Variants in UNC5B observed in about 807,000 individuals in gnomAD.
UNC5B encodes unc-5 netrin receptor B, also known as netrin receptor UNC5B.
A neutral mutation model predicts 103.7 loss-of-function variants in UNC5B; 56 were observed. The observed-to-expected ratio is 0.54, with a 90% CI of 0.44 to 0.67. UNC5B has a LOEUF of 0.67. UNC5B is among the 30% of genes least tolerant of loss of function. UNC5B has a pLI of 0.00. For missense variants in UNC5B, 1,194 were observed against 1,284.5 expected (o/e 0.93, Z 1.08); for synonymous variants, 577 against 542.0 (o/e 1.06, Z -0.90).
chr10:71,216,946 G>C (rs749949051), intron 1 of UNC5B, among the ~76,000 whole-genome samples: 1 of 152,246 alleles, frequency 6.6e-6, no homozygotes, highest in Non-Finnish European at 1.5e-5. Context: ...AGTTGGGGTT[G>C]GGTGGAAAGG....
intron 13 of UNC5B, among the ~76,000 whole-genome samples, chr10:71,294,769 G>A (rs958675073): frequency 2.6e-5 from 4 of 151,908 alleles, no homozygotes; most frequent in Admixed American, 2.6e-4. Flanking sequence ...CAGGAGGGAG[G>A]GAAGGGGAGG....
At position 71,212,659 on chromosome 10, in the gene UNC5B, C is replaced by T. The variant is rs977672159; in HGVS notation, c.-327C>T. 4.6e-6 allele frequency: 1 copy of T among 215,620 alleles called. No individual in the cohort carries two copies. Among genetic ancestry groups the T allele is most frequent in the Non-Finnish European group, 9.1e-6 (1 of 109,802 alleles). The allele number at this position is 215,620 out of a possible 1,614,324, so 13.4% of individuals were successfully genotyped here. Reference sequence around the variant, plus strand: ...GGCGCGCACTGGGGCTGGGACTGCGCGGCGCCGCCGCTGCGAGCGCCACTG... The same window carrying T: ...GGCGCGCACTGGGGCTGGGACTGCGTGGCGCCGCCGCTGCGAGCGCCACTG... On this transcript the variant is annotated 5_prime_UTR_variant, in exon 1 of 17. Transcript: ENST00000335350.
At position 71,279,771 on chromosome 10, in the gene UNC5B, C is replaced by T. The variant is rs372663617; in HGVS notation, c.80-50C>T. The T allele has an allele frequency of 1.2e-4, 188 of 1,570,354 alleles. No homozygotes were observed. The South Asian group carries it at 2.1e-3, about 18-fold the overall frequency. On this transcript the variant is annotated intron_variant, in intron 1 of 16. Coordinates refer to ENST00000335350, the MANE Select transcript of UNC5B (RefSeq NM_170744.5). ...CCCCCGGGGTGGGCGAGGGGTGCCACAGGGCCCTCCCAGCACACAGCCTCA... is the reference window on the plus strand; with the variant it reads ...CCCCCGGGGTGGGCGAGGGGTGCCATAGGGCCCTCCCAGCACACAGCCTCA...
intron 1 of UNC5B, among the ~76,000 whole-genome samples, chr10:71,224,808 T>G (rs944414627): frequency 6.6e-6 from 1 of 152,226 alleles, no homozygotes; most frequent in Non-Finnish European, 1.5e-5. Flanking sequence ...TTTGGATTGC[T>G]GGATCCCAAA....
rs192654659 is a variant in UNC5B at position 71,296,754 on chromosome 10, C to A, written c.2490+12C>A. Reference sequence around the variant, plus strand: ...CCACTCTGGCAGAGGTGAGGGAAGTCGGGGCCACATATTCCAGCTGCACAC... The same window carrying A: ...CCACTCTGGCAGAGGTGAGGGAAGTAGGGGCCACATATTCCAGCTGCACAC... On this transcript the variant is annotated intron_variant, in intron 15 of 16. Coordinates refer to ENST00000335350, the MANE Select transcript of UNC5B (RefSeq NM_170744.5). 1 of 1,589,802 alleles carries A rather than the reference C, an allele frequency of 6.3e-7. No individual in the cohort carries two copies. Among genetic ancestry groups the A allele is most frequent in the African/African-American group, 1.4e-5 (1 of 69,830 alleles).
intron 1 of UNC5B, among the ~76,000 whole-genome samples, chr10:71,260,085 G>T (rs1262469811): frequency 6.6e-6 from 1 of 152,218 alleles, no homozygotes; most frequent in Admixed American, 6.5e-5. Context: ...AGCATCAGGA[G>T]CAGAGGCACT....
At chr10:71,259,170 G>T (rs1195155302) in intron 1 of UNC5B, among the ~76,000 whole-genome samples, 1 of 152,166 alleles carries the variant, frequency 6.6e-6, no homozygotes, top group Non-Finnish European at 1.5e-5. Flanking sequence ...CAATAGGATT[G>T]CCTGAGGTCA....
At chr10:71,252,830 C>T (rs1195166399) in intron 1 of UNC5B, among the ~76,000 whole-genome samples, 1 of 152,092 alleles carries the variant, frequency 6.6e-6, no homozygotes, top group African/African-American at 2.4e-5. Flanking sequence ...CAGCAGGAGC[C>T]CCAGAGACCC....
At chr10:71,264,100 A>G (rs749294527) in intron 1 of UNC5B, among the ~76,000 whole-genome samples, 1 of 152,220 alleles carries the variant, frequency 6.6e-6, no homozygotes, top group Non-Finnish European at 1.5e-5. Flanking sequence ...CTAATGGTGG[A>G]TAGTTCCTGC....
At chr10:71,261,995 G>A (rs1295918179) in intron 1 of UNC5B, among the ~76,000 whole-genome samples, 2 of 151,666 alleles carry the variant, frequency 1.3e-5, no homozygotes, top group Admixed American at 6.6e-5. Context: ...GAATTTGGAC[G>A]GGGGTGGGAT....
chr10:71,241,593 T>C (rs1843903571), intron 1 of UNC5B, among the ~76,000 whole-genome samples: 1 of 152,068 alleles, frequency 6.6e-6, no homozygotes, highest in African/African-American at 2.4e-5. Flanking sequence ...TCTAGCTCTG[T>C]CCCTGGGAGG....
At chr10:71,286,313 A>G (rs1849267310) in intron 4 of UNC5B, among the ~76,000 whole-genome samples, 1 of 152,170 alleles carries the variant, frequency 6.6e-6, no homozygotes, top group African/African-American at 2.4e-5. Flanking sequence ...GGGAGGAGTT[A>G]ATGATGAAGA....
chr10:71,238,926 G>GCAC (rs1348492921), intron 1 of UNC5B, among the ~76,000 whole-genome samples: 3 of 152,146 alleles, frequency 2.0e-5, no homozygotes, highest in African/African-American at 7.2e-5. Context: ...CTACAGGTGT[G>GCAC]CACCATCATG....
In UNC5B at chr10:71,302,779, A is replaced by G. The variant is rs1183313292; in HGVS notation, c.*3502A>G. 6.6e-6 allele frequency: 1 copy of G among 152,154 alleles called. No homozygotes were observed. The highest frequency in any genetic ancestry group is 2.4e-5 in the African/African-American group (1 of 41,428). The allele number at this position is 152,154 out of a possible 1,614,324, so 9.4% of individuals were successfully genotyped here. A position where few individuals can be genotyped will look rare whatever the true frequency, so the allele number is the denominator to read the frequency against. ...AATCCCACCTCTGTTTATTCTGTAA[A>G]CTGCAACCTATAAATAACCTTTAGC... On this transcript the variant is annotated 3_prime_UTR_variant, in exon 17 of 17. Coordinates refer to ENST00000335350, the MANE Select transcript of UNC5B (RefSeq NM_170744.5).
chr10:71,282,626 G>A (rs547504181), intron 2 of UNC5B, among the ~76,000 whole-genome samples: 3 of 152,104 alleles, frequency 2.0e-5, no homozygotes, highest in Non-Finnish European at 2.9e-5. Context: ...CCAGCCTGTG[G>A]GCAGCCATGG....
intron 2 of UNC5B, 62 bp downstream of exon 2, chr10:71,280,107 G>C (rs764104232): frequency 1.4e-5 from 21 of 1,545,814 alleles, no homozygotes; most frequent in Non-Finnish European, 1.8e-5. Flanking sequence ...CACAGGCCTA[G>C]CTCCATGTGA....
intron 1 of UNC5B, among the ~76,000 whole-genome samples, chr10:71,273,366 A>G (rs887713814): frequency 2.0e-5 from 3 of 152,154 alleles, no homozygotes; most frequent in Admixed American, 6.5e-5. Context: ...GCTTGGAACC[A>G]GGACTGTTGG....
chr10:71,259,369 T>C (rs1269935566), intron 1 of UNC5B, among the ~76,000 whole-genome samples: 4 of 140,858 alleles, frequency 2.8e-5, no homozygotes, highest in African/African-American at 1.1e-4. Flanking sequence ...CTGGGTGATA[T>C]AGCGAGACTC....
chr10:71,291,589 C>G lies in UNC5B; in HGVS notation c.1452C>G (p.Val484=). ...LDPLPSLKVK[V]YSSSTTGSGP... The stretch of plus-strand genomic sequence containing the variant: ...CCTTACCCAGCCTTAAGGTCAAGGT[C>G]TACAGCTCCAGCACCACGGGCTCTG... Residue 484 remains valine, a synonymous_variant, in exon 10 of 17, where the codon GTC becomes GTG. Transcript: ENST00000335350. 1 of 1,614,186 alleles carries G rather than the reference C, an allele frequency of 6.2e-7. No individual in the cohort carries two copies. Among genetic ancestry groups the G allele is most frequent in the Non-Finnish European group, 8.5e-7 (1 of 1,180,042 alleles).
Sources: allele counts gnomAD v4.1 joint callset (sites outside exome capture counted in the v4.1 genomes callset), GRCh38; gene constraint gnomAD v4.1.1; transcripts MANE v1.5; gene names NCBI Gene and HGNC (gene_info 2026-07-23, HGNC 2026-07-21).